CELF4: variants seen among roughly 807,000 people sequenced by gnomAD.
CELF4 encodes CUGBP Elav-like family member 4.
In CELF4, 18 loss-of-function variants were observed where a neutral mutation model predicts 59.9. The ratio of observed to expected loss-of-function variants is 0.30; its 90% CI spans 0.21 to 0.45. The LOEUF (loss-of-function observed/expected upper bound fraction) is 0.45. Among genes scored for constraint, CELF4 ranks in the 20% least tolerant of loss-of-function variants. CELF4 has a pLI of 1.00. For missense variants in CELF4, 456 were observed against 689.0 expected (o/e 0.66, Z 3.79); for synonymous variants, 261 against 267.1 (o/e 0.98, Z 0.22).
At chr18:37,294,007 A>G (rs1052704837) in intron 3 of CELF4, among the ~76,000 whole-genome samples, 2 of 152,178 alleles carry the variant, frequency 1.3e-5, no homozygotes, top group African/African-American at 4.8e-5. Context: ...CAACTTCCAG[A>G]TAAACAATTT....
intron 1 of CELF4, among the ~76,000 whole-genome samples, chr18:37,501,647 T>C (rs555512328): frequency 1.3e-5 from 2 of 152,250 alleles, no homozygotes; most frequent in South Asian, 4.1e-4. Context: ...GAGGAAGCCA[T>C]AGACAGAAAC....
intron 2 of CELF4, among the ~76,000 whole-genome samples, chr18:37,350,159 G>C (rs147888655): frequency 1.2e-4 from 18 of 152,124 alleles, no homozygotes; most frequent in Non-Finnish European, 2.2e-4. Flanking sequence ...AGCAACCAGG[G>C]ACAGGCACAC....
chr18:37,544,357 T>A (rs1459734388), intron 1 of CELF4, among the ~76,000 whole-genome samples: 1 of 152,138 alleles, frequency 6.6e-6, no homozygotes, highest in Non-Finnish European at 1.5e-5. Context: ...ACACAGCTTG[T>A]CAGCGGAGCT....
chr18:37,495,468 C>T (rs2099924124), intron 1 of CELF4, among the ~76,000 whole-genome samples: 1 of 152,152 alleles, frequency 6.6e-6, no homozygotes, highest in Admixed American at 6.5e-5. Context: ...TGACCTCAGC[C>T]ACATGGCTCA....
intron 8 of CELF4, 85 bp downstream of exon 8, chr18:37,270,683 A>G: frequency 2.0e-6 from 3 of 1,514,550 alleles, no homozygotes; most frequent in Non-Finnish European, 2.7e-6. Context: ...GGCAGGAGCC[A>G]CATCTTGTTA....
At chr18:37,500,006 A>G (rs1009384083) in intron 1 of CELF4, among the ~76,000 whole-genome samples, 3 of 152,196 alleles carry the variant, frequency 2.0e-5, no homozygotes, top group African/African-American at 7.2e-5. Flanking sequence ...CAGGTGCACC[A>G]CCCTTCTCCT....
intron 2 of CELF4, among the ~76,000 whole-genome samples, chr18:37,420,780 A>C (rs2154593717): frequency 6.6e-6 from 1 of 152,250 alleles, no homozygotes; most frequent in Middle Eastern, 3.4e-3. Flanking sequence ...ACTGCAAGCC[A>C]GGCACAAGCC....
At chr18:37,506,310 T>C (rs1213395989) in intron 1 of CELF4, among the ~76,000 whole-genome samples, 1 of 152,006 alleles carries the variant, frequency 6.6e-6, no homozygotes, top group African/African-American at 2.4e-5. Flanking sequence ...TAGGCTTGTT[T>C]GGGGAAAACA....
At chr18:37,318,958 C>A (rs1436531154) in intron 3 of CELF4, among the ~76,000 whole-genome samples, 2 of 152,200 alleles carry the variant, frequency 1.3e-5, no homozygotes, top group African/African-American at 2.4e-5. Flanking sequence ...TGCCATCCCC[C>A]CTTCTCAAGC....
intron 2 of CELF4, among the ~76,000 whole-genome samples, chr18:37,483,226 T>C (rs938157945): frequency 6.6e-6 from 1 of 152,268 alleles, no homozygotes; most frequent in African/African-American, 2.4e-5. Flanking sequence ...GTCTGCTTTC[T>C]GGAATCAAAA....
At chr18:37,424,252 G>A (rs898384268) in intron 2 of CELF4, among the ~76,000 whole-genome samples, 3 of 152,172 alleles carry the variant, frequency 2.0e-5, no homozygotes, top group African/African-American at 7.2e-5. Context: ...CATGCTGGTA[G>A]ACTTTACCCT....
intron 1 of CELF4, among the ~76,000 whole-genome samples, chr18:37,554,487 A>G (rs1191978982): frequency 6.6e-6 from 1 of 152,102 alleles, no homozygotes; most frequent in East Asian, 1.9e-4. Flanking sequence ...CATTCCAGCG[A>G]CAGGCCCCAT....
At chr18:37,462,065 T>C (rs773301694) in intron 2 of CELF4, among the ~76,000 whole-genome samples, 1 of 152,060 alleles carries the variant, frequency 6.6e-6, no homozygotes, top group African/African-American at 2.4e-5. Context: ...CTACAGCAAA[T>C]GGGTGGCAGA....
intron 2 of CELF4, among the ~76,000 whole-genome samples, chr18:37,447,542 T>A (rs2099751504): frequency 6.6e-6 from 1 of 152,168 alleles, no homozygotes; most frequent in Admixed American, 6.5e-5. Context: ...CCCGTTTTTC[T>A]TTCTCTGTGC....
At chr18:37,320,075 C>T (rs1048319596) in intron 3 of CELF4, among the ~76,000 whole-genome samples, 14 of 152,194 alleles carry the variant, frequency 9.2e-5, no homozygotes, top group East Asian at 3.9e-4. Context: ...CGGTGGCTCA[C>T]GCCTGTAATC....
In CELF4 at chr18:37,244,853, A is replaced by G. The variant is rs534030261; in HGVS notation, c.*389T>C. Reference sequence around the variant, plus strand: ...CTGCGTCAGGCGCCCGTGGGCTGGAAAAGCCCCGGGATCGGTAAGCAGCGT... The same window carrying G: ...CTGCGTCAGGCGCCCGTGGGCTGGAGAAGCCCCGGGATCGGTAAGCAGCGT... On this transcript the variant is annotated 3_prime_UTR_variant, in exon 13 of 13. Transcript: ENST00000420428. The G allele has an allele frequency of 6.7e-4, 102 of 152,778 alleles. No individual in the cohort carries two copies. The highest frequency in any genetic ancestry group is 7.3e-5 in the Non-Finnish European group (5 of 68,046). 9.5% of individuals were successfully genotyped at this position (152,778 alleles called of 1,614,324 possible).
At chr18:37,410,539 C>T (rs1257480414) in intron 2 of CELF4, among the ~76,000 whole-genome samples, 1 of 152,250 alleles carries the variant, frequency 6.6e-6, no homozygotes, top group Non-Finnish European at 1.5e-5. Flanking sequence ...TGCGTGTGGG[C>T]ATCCCTGCAC....
intron 2 of CELF4, among the ~76,000 whole-genome samples, chr18:37,468,010 G>A (rs187592294): frequency 1.7e-3 from 252 of 152,328 alleles, no homozygotes; most frequent in African/African-American, 5.8e-3. Context: ...TGAGTGATGA[G>A]TGTGCAGCTG....
At chr18:37,310,897 C>T (rs983251096) in intron 3 of CELF4, among the ~76,000 whole-genome samples, 4 of 152,174 alleles carry the variant, frequency 2.6e-5, no homozygotes, top group African/African-American at 9.7e-5. Flanking sequence ...CCTCCACGCT[C>T]ACATAGTGGC....
Sources: allele counts gnomAD v4.1 joint callset (sites outside exome capture counted in the v4.1 genomes callset), GRCh38; gene constraint gnomAD v4.1.1; transcripts MANE v1.5; gene names NCBI Gene and HGNC (gene_info 2026-07-23, HGNC 2026-07-21).